The following CELF2 variants were observed in gnomAD, a reference collection of about 807,000 sequenced individuals.
The protein encoded by CELF2 is CUGBP Elav-like family member 2.
A neutral mutation model predicts 62.6 loss-of-function variants in CELF2; 8 were observed. The ratio of observed to expected loss-of-function variants is 0.13; its 90% CI spans 0.07 to 0.23. The LOEUF (loss-of-function observed/expected upper bound fraction) is 0.23. CELF2 is among the 10% of genes least tolerant of loss of function. The pLI, the probability that CELF2 is intolerant of heterozygous loss-of-function variation, is 1.00. For missense variants in CELF2, 333 were observed against 671.0 expected (o/e 0.50, Z 5.56); for synonymous variants, 258 against 250.0 (o/e 1.03, Z -0.30).
chr10:10,944,601 T>C (rs201063), intron 2 of CELF2, among the ~76,000 whole-genome samples: 83,811 of 151,684 alleles, frequency 0.55, 25,213 homozygotes, highest in East Asian at 0.8. Context: ...GAGGATTTTT[T>C]TTTCTTTTGT....
At chr10:11,045,567 A>G (rs1290207487) in intron 1 of CELF2, among the ~76,000 whole-genome samples, 2 of 152,232 alleles carry the variant, frequency 1.3e-5, no homozygotes, top group East Asian at 1.9e-4. Flanking sequence ...TGCTCAATAA[A>G]TGTTAACTGC....
In CELF2 at chr10:11,255,935, G is replaced by T. The variant is rs1214187480; in HGVS notation, c.404-1803G>T. On this transcript the variant is annotated intron_variant, in intron 4 of 12. Coordinates refer to ENST00000633077, the MANE Select transcript of CELF2 (RefSeq NM_001326342.2). This position sits in a 1 kb window ranked among gnomAD's most constrained non-coding sequence, Gnocchi z 5.5. ...TCTCTCCTCCTCTGAACTTGGAGGA[G>T]ACACAGCAGGGGAAGGAATCCTTGG... 1.3e-5 allele frequency among the ~76,000 whole-genome samples: 2 copies of T among 152,198 alleles called. No individual in the cohort carries two copies. Among genetic ancestry groups the T allele is most frequent in the African/African-American group, 4.8e-5 (2 of 41,446 alleles).
At chr10:10,911,798 G>C (rs1439450751) in intron 1 of CELF2, among the ~76,000 whole-genome samples, 1 of 152,212 alleles carries the variant, frequency 6.6e-6, no homozygotes, top group African/African-American at 2.4e-5. Context: ...GAACTTACAG[G>C]AGCGCTCTTG....
chr10:11,014,396 C>T (rs935040650), upstream of CELF2, among the ~76,000 whole-genome samples: 2 of 152,122 alleles, frequency 1.3e-5, no homozygotes, highest in African/African-American at 2.4e-5. Flanking sequence ...GTTGTCTGCA[C>T]GAGCAGAAAA....
chr10:10,768,676 C>T, the CELF2 span, among the ~76,000 whole-genome samples: 6 of 151,374 alleles, frequency 4.0e-5, no homozygotes, highest in South Asian at 2.1e-4. Context: ...TGGGTTCAAG[C>T]GATTCTCCTG....
At chr10:10,911,017 A>G (rs1476426690) in intron 1 of CELF2, among the ~76,000 whole-genome samples, 5 of 152,232 alleles carry the variant, frequency 3.3e-5, no homozygotes, top group African/African-American at 1.2e-4. Context: ...ATGATGCTTA[A>G]CATGCAAACC....
intron 1 of CELF2, among the ~76,000 whole-genome samples, chr10:11,149,402 C>A (rs2062892044): frequency 6.6e-6 from 1 of 152,138 alleles, no homozygotes; most frequent in African/African-American, 2.4e-5. Context: ...ATGTCCCCAC[C>A]CTCATCAGCA....
At chr10:11,080,574 A>C (rs2073732857) in intron 1 of CELF2, among the ~76,000 whole-genome samples, 1 of 152,240 alleles carries the variant, frequency 6.6e-6, no homozygotes, top group African/African-American at 2.4e-5. Context: ...GTTAGACGTG[A>C]AAGTTTCTGT....
chr10:10,535,852 A>T, the CELF2 span, among the ~76,000 whole-genome samples: 1 of 152,268 alleles, frequency 6.6e-6, no homozygotes, highest in South Asian at 2.1e-4. Flanking sequence ...GGTTTACTAA[A>T]TATCAAGGTG....
At chr10:10,956,935 TA>T (rs777089169) in intron 2 of CELF2, among the ~76,000 whole-genome samples, 4,849 of 141,090 alleles carry the variant, frequency 0.034, 216 homozygotes, top group African/African-American at 0.1. Flanking sequence ...CACCGTCTCT[TA>T]AAAAAAAAAA....
At chr10:11,304,889 G>A (rs796327822) in intron 9 of CELF2, among the ~76,000 whole-genome samples, 1 of 152,148 alleles carries the variant, frequency 6.6e-6, no homozygotes. Context: ...TTGGCTGGGG[G>A]GTGAACAGAG....
the CELF2 span, among the ~76,000 whole-genome samples, chr10:10,518,410 T>C: frequency 6.6e-6 from 1 of 152,228 alleles, no homozygotes; most frequent in Non-Finnish European, 1.5e-5. Context: ...CAGGAGATTG[T>C]ATTTCACCTT....
chr10:10,786,478 GAA>G, the CELF2 span, among the ~76,000 whole-genome samples: 31,381 of 144,400 alleles, frequency 0.22, 3,539 homozygotes, highest in East Asian at 0.45. Flanking sequence ...TGATCCATTT[GAA>G]AAAAAAAAAA....
the CELF2 span, among the ~76,000 whole-genome samples, chr10:10,582,962 T>G: frequency 6.6e-6 from 1 of 152,326 alleles, no homozygotes; most frequent in Admixed American, 6.5e-5. Context: ...AGTCTTGGAC[T>G]TCTCAATTTA....
intron 1 of CELF2, among the ~76,000 whole-genome samples, chr10:10,852,490 A>T (rs887767070): frequency 6.6e-6 from 1 of 152,220 alleles, no homozygotes; most frequent in Non-Finnish European, 1.5e-5. Context: ...GGACAGCATG[A>T]GGAATGCTTG....
the CELF2 span, among the ~76,000 whole-genome samples, chr10:10,541,704 A>C: frequency 6.6e-6 from 1 of 152,196 alleles, no homozygotes; most frequent in Non-Finnish European, 1.5e-5. Flanking sequence ...ATGAGCAGTG[A>C]GGATGACCAG....
intron 1 of CELF2, among the ~76,000 whole-genome samples, chr10:10,811,328 G>C (rs978897502): frequency 6.6e-6 from 1 of 152,178 alleles, no homozygotes; most frequent in Non-Finnish European, 1.5e-5. Flanking sequence ...AGATGACCAG[G>C]CTTTTTAAAG....
intron 1 of CELF2, among the ~76,000 whole-genome samples, chr10:11,116,582 G>T (rs969373923): frequency 6.6e-6 from 1 of 152,222 alleles, no homozygotes; most frequent in African/African-American, 2.4e-5. Flanking sequence ...GGCAAAATCA[G>T]TTGGTGGTTT....
At chr10:10,675,760 C>T in the CELF2 span, among the ~76,000 whole-genome samples, 1 of 152,170 alleles carries the variant, frequency 6.6e-6, no homozygotes, top group Admixed American at 6.5e-5. Flanking sequence ...CCATTAAAGG[C>T]ATTCTTCCAT....
Sources: allele counts gnomAD v4.1 joint callset (sites outside exome capture counted in the v4.1 genomes callset), GRCh38; gene constraint gnomAD v4.1.1; non-coding constraint Gnocchi (gnomAD v3.1); transcripts MANE v1.5; gene names NCBI Gene and HGNC (gene_info 2026-07-23, HGNC 2026-07-21).